The following SLC39A11 variants were observed in gnomAD, a reference collection of about 807,000 sequenced individuals.
The protein encoded by SLC39A11 is solute carrier family 39 member 11, also known as zinc transporter ZIP11.
A neutral mutation model predicts 36.1 loss-of-function variants in SLC39A11; 33 were observed. The observed-to-expected ratio is 0.91, with a 90% CI of 0.69 to 1.22. The LOEUF is 1.22. Among genes scored for constraint, SLC39A11 ranks in the 50% most tolerant of loss-of-function variants. The pLI is 0.00. For missense variants in SLC39A11, 432 were observed against 430.3 expected (o/e 1.00, Z -0.03); for synonymous variants, 166 against 170.3 (o/e 0.97, Z 0.20).
intron 4 of SLC39A11, among the ~76,000 whole-genome samples, chr17:73,013,989 G>A (rs1378352856): frequency 1.3e-5 from 2 of 152,138 alleles, no homozygotes; most frequent in African/African-American, 4.8e-5. Flanking sequence ...GCCCCCTGCT[G>A]TGCCTTGGCA....
At chr17:72,843,013 G>A (rs188528722) in intron 6 of SLC39A11, among the ~76,000 whole-genome samples, 42 of 152,138 alleles carry the variant, frequency 2.8e-4, no homozygotes, top group Non-Finnish European at 8.8e-5. Context: ...GCCATGGTGC[G>A]ATCTCGGCTC....
At chr17:72,909,742 T>C in intron 5 of SLC39A11, among the ~76,000 whole-genome samples, 1 of 100,954 alleles carries the variant, frequency 9.9e-6, no homozygotes, top group East Asian at 2.3e-4. Context: ...TTCTTTTTTT[T>C]CTTTTTTCTT....
chr17:72,916,920 T>C (rs1290875910), intron 5 of SLC39A11, among the ~76,000 whole-genome samples: 3 of 152,176 alleles, frequency 2.0e-5, no homozygotes, highest in Non-Finnish European at 4.4e-5. Flanking sequence ...AGGGAGACTT[T>C]AATTAAGACT....
intron 4 of SLC39A11, among the ~76,000 whole-genome samples, chr17:72,950,717 G>C (rs977569716): frequency 1.3e-4 from 20 of 152,144 alleles, no homozygotes; most frequent in Non-Finnish European, 2.4e-4. Flanking sequence ...GCATTAATAC[G>C]CATTAAGCTG....
At chr17:73,051,008 A>G (rs958363811) in intron 3 of SLC39A11, among the ~76,000 whole-genome samples, 4 of 152,352 alleles carry the variant, frequency 2.6e-5, no homozygotes, top group African/African-American at 4.8e-5. Flanking sequence ...TGGAGCTGCT[A>G]TAACAAAAGA....
chr17:72,897,800 T>G (rs1439481729), intron 5 of SLC39A11, among the ~76,000 whole-genome samples: 5 of 152,028 alleles, frequency 3.3e-5, no homozygotes. Flanking sequence ...GAATTCGGTG[T>G]GGAGTTCTAA....
chr17:72,971,353 C>G (rs2087438693), intron 4 of SLC39A11, among the ~76,000 whole-genome samples: 1 of 152,038 alleles, frequency 6.6e-6, no homozygotes, highest in African/African-American at 2.4e-5. Flanking sequence ...CTCTCTCTCT[C>G]TCTCTGAAAA....
intron 4 of SLC39A11, among the ~76,000 whole-genome samples, chr17:72,950,944 T>C (rs1489466898): frequency 6.6e-6 from 1 of 151,862 alleles, no homozygotes; most frequent in African/African-American, 2.4e-5. Context: ...TATTCAACAA[T>C]GCATAGGACA....
At chr17:72,715,806 C>T (rs762084742) in intron 7 of SLC39A11, among the ~76,000 whole-genome samples, 58 of 152,092 alleles carry the variant, frequency 3.8e-4, no homozygotes, top group Admixed American at 2.9e-3. Flanking sequence ...CGGGTTCAAG[C>T]GATTCTCGTG....
intron 3 of SLC39A11, among the ~76,000 whole-genome samples, chr17:73,083,540 C>G (rs2060620285): frequency 6.6e-6 from 1 of 152,110 alleles, no homozygotes; most frequent in Non-Finnish European, 1.5e-5. Context: ...ATACACAGCA[C>G]CATGACATCT....
chr17:73,052,114 C>T (rs1029473350), intron 3 of SLC39A11, among the ~76,000 whole-genome samples: 2 of 151,684 alleles, frequency 1.3e-5, no homozygotes, highest in African/African-American at 4.8e-5. Flanking sequence ...CAAGGTGCCC[C>T]GTTTTTTACC....
At chr17:73,050,128 G>A (rs115487078) in intron 3 of SLC39A11, among the ~76,000 whole-genome samples, 4,490 of 151,972 alleles carry the variant, frequency 0.03, 192 homozygotes, top group African/African-American at 0.097. Flanking sequence ...CTATTTAAAA[G>A]CAAACAAACA....
chr17:72,707,046 T>C (rs2072921345), intron 7 of SLC39A11, among the ~76,000 whole-genome samples: 2 of 152,260 alleles, frequency 1.3e-5, no homozygotes, highest in Non-Finnish European at 2.9e-5. Context: ...GCTGTAAATG[T>C]AAATATACAG....
chr17:73,024,864 ATTTTTT>A (rs1163840820), intron 4 of SLC39A11, among the ~76,000 whole-genome samples: 1 of 97,900 alleles, frequency 1.0e-5, no homozygotes, highest in Non-Finnish European at 1.9e-5. Context: ...TGCCCAGCTA[ATTTTTT>A]TTTTTTTTTT....
At chr17:72,848,291 TC>T (rs1372329506) in intron 6 of SLC39A11, among the ~76,000 whole-genome samples, 2 of 152,256 alleles carry the variant, frequency 1.3e-5, no homozygotes, top group African/African-American at 4.8e-5. Context: ...TCAGGTTCCC[TC>T]AGTTTATTTA....
intron 3 of SLC39A11, among the ~76,000 whole-genome samples, chr17:73,067,263 T>C (rs1405210418): frequency 6.6e-6 from 1 of 152,214 alleles, no homozygotes; most frequent in Non-Finnish European, 1.5e-5. Flanking sequence ...CCTTAGGTCA[T>C]ATGAATAAGT....
intron 4 of SLC39A11, among the ~76,000 whole-genome samples, chr17:73,007,042 C>T (rs2090226179): frequency 6.6e-6 from 1 of 152,308 alleles, no homozygotes; most frequent in South Asian, 2.1e-4. Context: ...CGCCACTGCC[C>T]AAGGAGCCTA....
intron 3 of SLC39A11, among the ~76,000 whole-genome samples, chr17:73,055,000 C>T (rs1464692281): frequency 3.9e-5 from 6 of 152,150 alleles, no homozygotes; most frequent in African/African-American, 1.4e-4. Context: ...AGCAAGTGAA[C>T]CCCAAGGGCT....
chr17:72,650,292 A>G (rs932957133), intron 7 of SLC39A11, among the ~76,000 whole-genome samples: 9 of 152,202 alleles, frequency 5.9e-5, no homozygotes, highest in African/African-American at 1.9e-4. Flanking sequence ...TTCTGCACAA[A>G]CCAGGCATTG....
Sources: gnomAD v4.1 joint callset for allele counts (sites outside exome capture counted in the v4.1 genomes callset) on GRCh38, gnomAD v4.1.1 for gene constraint, MANE v1.5 for transcripts, NCBI Gene and HGNC (gene_info 2026-07-23, HGNC 2026-07-21) for gene names.